Variants in RAB27B observed in about 807,000 individuals in gnomAD.
The protein encoded by RAB27B is RAB27B, member RAS oncogene family.
Under a neutral mutation model 24.6 loss-of-function variants are expected in RAB27B, and 15 were observed. The observed-to-expected ratio is 0.61, with a 90% CI of 0.41 to 0.94. The LOEUF is 0.94. Ranked by LOEUF, RAB27B falls within the 40% of genes least tolerant of loss-of-function variation. The pLI is 0.00. For synonymous variants in RAB27B, 105 were observed against 92.5 expected (o/e 1.14, Z -0.78); for missense variants, 261 against 266.8 (o/e 0.98, Z 0.15).
rs973658236 is a variant in RAB27B at position 54,801,129 on chromosome 18, C to A, written c.-19-76438C>A. ...CTGGCTTCAAGCAATTCTCCTGCCT[C>A]AGATTCCCTAGTAGCTGGGATTACA... On this transcript the variant is annotated intron_variant, in intron 2 of 4. Coordinates refer to the RAB27B transcript ENST00000586570. Among the ~76,000 whole-genome samples the A allele has an allele frequency of 1.1e-4, 17 of 150,296 alleles. No homozygotes were observed. The South Asian group carries it at 1.3e-3, about 11-fold the overall frequency.
At chr18:54,734,895 T>C (rs545040351) in intron 2 of RAB27B, among the ~76,000 whole-genome samples, 1 of 152,316 alleles carries the variant, frequency 6.6e-6, no homozygotes, top group African/African-American at 2.4e-5. Context: ...AAAGCTGAAA[T>C]ATAATTTTGA....
rs77420989 is a variant in RAB27B at position 54,861,063 on chromosome 18, A to G, written c.-19-16504A>G. 1.5e-4 allele frequency among the ~76,000 whole-genome samples: 23 copies of G among 152,298 alleles called. No homozygotes were observed. In the East Asian group the frequency reaches 4.2e-3, roughly 28 times the overall value. On this transcript the variant is annotated intron_variant, in intron 1 of 5. Coordinates refer to ENST00000262094, the MANE Select transcript of RAB27B (RefSeq NM_004163.4). ...TTCATAGATATTTGCCTATGAACCCATAGATGCTATCTAATTCAACTTCCC... is the reference window on the plus strand; with the variant it reads ...TTCATAGATATTTGCCTATGAACCCGTAGATGCTATCTAATTCAACTTCCC...
At chr18:54,839,224 G>C (rs1403541620) in intron 1 of RAB27B, among the ~76,000 whole-genome samples, 1 of 152,086 alleles carries the variant, frequency 6.6e-6, no homozygotes, top group Non-Finnish European at 1.5e-5. Flanking sequence ...TACATTCATT[G>C]AATATAACAG....
intron 1 of RAB27B, among the ~76,000 whole-genome samples, chr18:54,849,896 C>T (rs1416253009): frequency 3.9e-5 from 6 of 152,128 alleles, no homozygotes; most frequent in Admixed American, 1.3e-4. Flanking sequence ...ACTTAAGAGG[C>T]ATTCAGCTGT....
intron 2 of RAB27B, among the ~76,000 whole-genome samples, chr18:54,878,115 T>C (rs1460538323): frequency 6.6e-5 from 10 of 152,164 alleles, no homozygotes; most frequent in Admixed American, 6.5e-4. Context: ...TCCCTACTCT[T>C]AAGAAAGAAG....
intron 1 of RAB27B, among the ~76,000 whole-genome samples, chr18:54,849,391 T>C (rs918223095): frequency 2.0e-5 from 3 of 152,148 alleles, no homozygotes; most frequent in Admixed American, 1.3e-4. Context: ...AAATCTTCTT[T>C]CCTCCCACTC....
At chr18:54,868,559 A>G (rs1912334461) in intron 1 of RAB27B, among the ~76,000 whole-genome samples, 1 of 152,082 alleles carries the variant, frequency 6.6e-6, no homozygotes, top group Non-Finnish European at 1.5e-5. Flanking sequence ...CACATTTATC[A>G]TTTATGTTTC....
chr18:54,894,923 T>C lies in RAB27B; in HGVS notation c.*5510T>C, dbSNP rs980984136. The C allele has an allele frequency of 2.6e-5, 4 of 152,062 alleles. No individual in the cohort carries two copies. Among genetic ancestry groups the C allele is most frequent in the African/African-American group, 7.2e-5 (3 of 41,424 alleles). 9.4% of individuals were successfully genotyped at this position (152,062 alleles called of 1,614,324 possible). ...GGCAACTTGAAGTCATTGTATTTGATTGAAAATGTTTAATACATCTCATTA... is the reference window on the plus strand; with the variant it reads ...GGCAACTTGAAGTCATTGTATTTGACTGAAAATGTTTAATACATCTCATTA... On this transcript the variant is annotated 3_prime_UTR_variant, in exon 6 of 6. Coordinates refer to ENST00000262094, the MANE Select transcript of RAB27B (RefSeq NM_004163.4).
chr18:54,822,079 T>C (rs974459181), intron 2 of RAB27B, among the ~76,000 whole-genome samples: 1 of 152,196 alleles, frequency 6.6e-6, no homozygotes, highest in Non-Finnish European at 1.5e-5. Context: ...TTACAACTTA[T>C]ATCATCATAT....
chr18:54,740,936 TATGAC>T (rs1356474172), intron 2 of RAB27B, among the ~76,000 whole-genome samples: 1 of 152,188 alleles, frequency 6.6e-6, no homozygotes, highest in Non-Finnish European at 1.5e-5. Flanking sequence ...GATGAAAACA[TATGAC>T]AAGACTAAAA....
intron 2 of RAB27B, among the ~76,000 whole-genome samples, chr18:54,765,115 C>T (rs1180544266): frequency 6.6e-6 from 1 of 151,946 alleles, no homozygotes; most frequent in Non-Finnish European, 1.5e-5. Context: ...CAAAAAAAAC[C>T]AAAAAGAAAA....
chr18:54,734,943 G>T (rs1048942144), intron 2 of RAB27B, among the ~76,000 whole-genome samples: 5 of 152,072 alleles, frequency 3.3e-5, no homozygotes, highest in Admixed American at 2.0e-4. Context: ...GTACATATGT[G>T]AATAATTTTG....
At chr18:54,781,263 G>T (rs1908908406) in intron 2 of RAB27B, among the ~76,000 whole-genome samples, 1 of 151,968 alleles carries the variant, frequency 6.6e-6, no homozygotes, top group African/African-American at 2.4e-5. Context: ...CCTGTCCACT[G>T]GCCTTTCTGC....
Position 54,893,875 on chromosome 18 carries a change from G to A in RAB27B, c.*4462G>A, listed in dbSNP as rs925454887. ...GTCATACTTCAAAGGTCGATTTTGA[G>A]TCCGAATAAAGAAAGACCTAGTAAC... On this transcript the variant is annotated 3_prime_UTR_variant, in exon 6 of 6. Transcript: ENST00000262094. 1 of 151,864 alleles carries A rather than the reference G, an allele frequency of 6.6e-6. No individual in the cohort carries two copies. Among genetic ancestry groups the A allele is most frequent in the South Asian group, 2.1e-4 (1 of 4,820 alleles). The allele number at this position is 151,864 out of a possible 1,614,324, so 9.4% of individuals were successfully genotyped here.
At chr18:54,789,317 T>C (rs1277737946) in intron 2 of RAB27B, among the ~76,000 whole-genome samples, 1 of 152,202 alleles carries the variant, frequency 6.6e-6, no homozygotes, top group Non-Finnish European at 1.5e-5. Flanking sequence ...AAATTATGTA[T>C]ACCATGGTAT....
At chr18:54,733,661 C>CCA (rs1555651354) in intron 2 of RAB27B, among the ~76,000 whole-genome samples, 1 of 131,302 alleles carries the variant, frequency 7.6e-6, no homozygotes, top group Non-Finnish European at 1.6e-5. Context: ...CCCCCCCCCC[C>CCA]CAAATTTGCT....
chr18:54,735,378 C>A (rs1286062676), intron 2 of RAB27B, among the ~76,000 whole-genome samples: 1 of 152,182 alleles, frequency 6.6e-6, no homozygotes, highest in Admixed American at 6.6e-5. Context: ...AGTAACTACA[C>A]TTTCTGAGGC....
At chr18:54,725,740 C>G (rs560307811) in intron 2 of RAB27B, among the ~76,000 whole-genome samples, 2 of 151,286 alleles carry the variant, frequency 1.3e-5, no homozygotes, top group Non-Finnish European at 3.0e-5. Flanking sequence ...GAGAATAGGA[C>G]GAGGGAAACC....
In RAB27B at chr18:54,893,068, A is replaced by G. The variant is rs1913432992; in HGVS notation, c.*3655A>G. On this transcript the variant is annotated 3_prime_UTR_variant, in exon 6 of 6. Coordinates refer to ENST00000262094, the MANE Select transcript of RAB27B (RefSeq NM_004163.4). Reference sequence around the variant, plus strand: ...TCTTCACCAGTGGAGTGAGTGCAGCAGTTAGAAAGAGAAGCAATATTGTGC... The same window carrying G: ...TCTTCACCAGTGGAGTGAGTGCAGCGGTTAGAAAGAGAAGCAATATTGTGC... 6.6e-6 allele frequency: 1 copy of G among 152,106 alleles called. No individual in the cohort carries two copies. Among genetic ancestry groups the G allele is most frequent in the Non-Finnish European group, 1.5e-5 (1 of 67,956 alleles). The allele number at this position is 152,106 out of a possible 1,614,324, so 9.4% of individuals were successfully genotyped here. A position where few individuals can be genotyped will look rare whatever the true frequency, so the allele number is the denominator to read the frequency against.
Sources: allele counts gnomAD v4.1 joint callset (sites outside exome capture counted in the v4.1 genomes callset), GRCh38; gene constraint gnomAD v4.1.1; transcripts MANE v1.5; gene names NCBI Gene and HGNC (gene_info 2026-07-23, HGNC 2026-07-21).